The following MYO3B variants were observed in gnomAD, a reference collection of about 807,000 sequenced individuals.
MYO3B encodes myosin-IIIb.
In MYO3B, 156 loss-of-function variants were observed where a neutral mutation model predicts 174.6. The observed-to-expected ratio is 0.89, with a 90% CI of 0.78 to 1.02. MYO3B has a LOEUF of 1.02. Ranked by LOEUF, MYO3B falls within the 50% of genes least tolerant of loss-of-function variation. The pLI is 0.00. For missense variants in MYO3B, 1,632 were observed against 1,639.4 expected, an observed-to-expected ratio of 1.00 and a Z score of 0.08; for synonymous variants, 563 against 569.1, an observed-to-expected ratio of 0.99 and a Z score of 0.15.
intron 32 of MYO3B, chr2:170,643,590 A>G (rs1039076016): frequency 6.6e-6 from 1 of 152,202 alleles, no homozygotes; most frequent in Admixed American, 6.5e-5. Context: ...TGCCATCTGT[A>G]AATCTAGAAC....
intron 17 of MYO3B, among the ~76,000 whole-genome samples, chr2:170,400,655 C>CG (rs1056295734): frequency 1.0e-4 from 14 of 133,520 alleles, no homozygotes; most frequent in Admixed American, 7.3e-4. Context: ...CACCCCCCCC[C>CG]CCTCGGCCTC....
intron 25 of MYO3B, among the ~76,000 whole-genome samples, chr2:170,490,830 T>G (rs1451083391): frequency 2.6e-5 from 4 of 152,216 alleles, no homozygotes; most frequent in Non-Finnish European, 5.9e-5. Context: ...TCTCTTTAGC[T>G]TATTGGTATG....
At chr2:170,264,879 A>G (rs1302448573) in intron 7 of MYO3B, among the ~76,000 whole-genome samples, 1 of 152,176 alleles carries the variant, frequency 6.6e-6, no homozygotes, top group Non-Finnish European at 1.5e-5. Context: ...TTAAGTTGTA[A>G]GTGGATTTGA....
chr2:170,266,911 T>C (rs1259320585), intron 7 of MYO3B, among the ~76,000 whole-genome samples: 1 of 152,238 alleles, frequency 6.6e-6, no homozygotes, highest in Non-Finnish European at 1.5e-5. Context: ...ATATAGATTT[T>C]ATTGTTTTGA....
chr2:170,294,990 A>C (rs1413096668), intron 7 of MYO3B, among the ~76,000 whole-genome samples: 1 of 152,124 alleles, frequency 6.6e-6, no homozygotes, highest in African/African-American at 2.4e-5. Context: ...CTGATTGTTA[A>C]TTAATTCATT....
chr2:170,465,134 A>C (rs1345294308), intron 24 of MYO3B, among the ~76,000 whole-genome samples: 1 of 151,990 alleles, frequency 6.6e-6, no homozygotes, highest in Non-Finnish European at 1.5e-5. Context: ...CGGCCTCCCA[A>C]AGTGCTAGGG....
At chr2:170,239,045 C>T (rs563778452) in intron 7 of MYO3B, among the ~76,000 whole-genome samples, 106 of 152,170 alleles carry the variant, frequency 7.0e-4, no homozygotes, top group Non-Finnish European at 1.3e-3. Context: ...TGTGTCATCT[C>T]GTCTAACGCC....
chr2:170,249,817 C>T (rs574176407), intron 7 of MYO3B, among the ~76,000 whole-genome samples: 6 of 152,258 alleles, frequency 3.9e-5, no homozygotes, highest in African/African-American at 9.6e-5. Flanking sequence ...ATATGGCAAA[C>T]GTCCTTGAGT....
intron 32 of MYO3B, among the ~76,000 whole-genome samples, chr2:170,564,715 C>G (rs1275532834): frequency 2.7e-5 from 4 of 148,802 alleles, no homozygotes; most frequent in Non-Finnish European, 1.5e-5. Flanking sequence ...CGCTCAGAAT[C>G]TTTTTTTTTT....
chr2:170,526,583 C>A (rs975869470), intron 30 of MYO3B, among the ~76,000 whole-genome samples: 4 of 152,148 alleles, frequency 2.6e-5, no homozygotes, highest in African/African-American at 9.7e-5. Flanking sequence ...CAGGAGTCAC[C>A]CTTACCAACA....
intron 7 of MYO3B, among the ~76,000 whole-genome samples, chr2:170,252,811 G>A (rs1442682415): frequency 6.6e-6 from 1 of 152,156 alleles, no homozygotes; most frequent in African/African-American, 2.4e-5. Context: ...AAGGGAGCAA[G>A]CCACATTTGG....
intron 22 of MYO3B, among the ~76,000 whole-genome samples, chr2:170,429,792 T>A (rs909195457): frequency 2.0e-5 from 3 of 152,156 alleles, no homozygotes; most frequent in African/African-American, 7.2e-5. Context: ...GTTTTCCTCA[T>A]CCTCTCATGA....
At chr2:170,250,365 T>C (rs1469094212) in intron 7 of MYO3B, among the ~76,000 whole-genome samples, 2 of 152,200 alleles carry the variant, frequency 1.3e-5, no homozygotes, top group African/African-American at 2.4e-5. Context: ...TCAAAAAAGT[T>C]TGGAGGCCAC....
intron 7 of MYO3B, among the ~76,000 whole-genome samples, chr2:170,311,422 TGTCTATTCA>T (rs71006081): frequency 0.14 from 21,363 of 151,808 alleles, 1,758 homozygotes; most frequent in Admixed American, 0.24. Flanking sequence ...CTTTGAAGAA[TGTCTATTCA>T]TGTTTTTTGG....
intron 8 of MYO3B, among the ~76,000 whole-genome samples, chr2:170,357,672 T>A (rs908454190): frequency 3.3e-5 from 5 of 152,188 alleles, no homozygotes; most frequent in African/African-American, 1.2e-4. Flanking sequence ...ATGGAATATT[T>A]TAAAATTTGC....
At chr2:170,405,783 A>G (rs756528723) in intron 21 of MYO3B, 150 bp downstream of exon 21, 2 of 717,314 alleles carry the variant, frequency 2.8e-6, no homozygotes, top group South Asian at 2.3e-5. Context: ...AAAGTTTCTC[A>G]GTGGTGCCAC....
intron 30 of MYO3B, among the ~76,000 whole-genome samples, chr2:170,526,552 A>C (rs1208877990): frequency 6.6e-6 from 1 of 152,184 alleles, no homozygotes; most frequent in African/African-American, 2.4e-5. Flanking sequence ...TCAGGAATGA[A>C]TCTGAGATTG....
chr2:170,552,962 C>G (rs1411413485), intron 32 of MYO3B, among the ~76,000 whole-genome samples: 2 of 152,178 alleles, frequency 1.3e-5, no homozygotes, highest in Non-Finnish European at 2.9e-5. Context: ...AAGCCCCAAG[C>G]CTTGGTGGCT....
chr2:170,573,360 G>T (rs947709099), intron 32 of MYO3B, among the ~76,000 whole-genome samples: 2 of 152,040 alleles, frequency 1.3e-5, no homozygotes, highest in Non-Finnish European at 1.5e-5. Flanking sequence ...GAAGACTATA[G>T]AGTGGATACC....
Sources: gnomAD v4.1 joint callset for allele counts (sites outside exome capture counted in the v4.1 genomes callset) on GRCh38, gnomAD v4.1.1 for gene constraint, MANE v1.5 for transcripts, NCBI Gene and HGNC (gene_info 2026-07-23, HGNC 2026-07-21) for gene names.